The following CNTNAP2 variants were observed in gnomAD, a reference collection of about 807,000 sequenced individuals.
CNTNAP2 encodes the protein contactin-associated protein-like 2.
A neutral mutation model predicts 155.2 loss-of-function variants in CNTNAP2; 98 were observed. The observed-to-expected ratio is 0.63, with a 90% CI of 0.54 to 0.75. The LOEUF is 0.75. Among genes scored for constraint, CNTNAP2 ranks in the 30% least tolerant of loss-of-function variants. The probability of loss-of-function intolerance (pLI) is 0.00; values close to 1 mark genes in which losing one functional copy is unlikely to be tolerated. For synonymous variants in CNTNAP2, 651 were observed against 631.2 expected (o/e 1.03, Z -0.47); for missense variants, 1,727 against 1,688.1 (o/e 1.02, Z -0.40).
At chr7:146,866,123 TC>T (rs1163455917) in intron 3 of CNTNAP2, among the ~76,000 whole-genome samples, 1 of 151,988 alleles carries the variant, frequency 6.6e-6, no homozygotes, top group Admixed American at 6.6e-5. Flanking sequence ...ATTCCAATGT[TC>T]CCCCCGACAG....
intron 8 of CNTNAP2, among the ~76,000 whole-genome samples, chr7:147,154,344 G>C (rs1011769349): frequency 6.6e-6 from 1 of 152,098 alleles, no homozygotes; most frequent in Non-Finnish European, 1.5e-5. Context: ...TTATTTTTCA[G>C]TTAAAGAGAG....
chr7:147,023,511 A>T (rs950740663), intron 3 of CNTNAP2, among the ~76,000 whole-genome samples: 14 of 152,146 alleles, frequency 9.2e-5, no homozygotes, highest in Non-Finnish European at 1.5e-4. Context: ...TTGATGCTTT[A>T]AGAATACAAA....
intron 1 of CNTNAP2, among the ~76,000 whole-genome samples, chr7:146,212,361 G>A (rs1021907468): frequency 2.0e-5 from 3 of 152,138 alleles, no homozygotes; most frequent in African/African-American, 7.2e-5. Flanking sequence ...CAGAACCCTT[G>A]CTAGATTGAC....
chr7:147,260,716 T>C (rs915309347), intron 8 of CNTNAP2, among the ~76,000 whole-genome samples: 2 of 152,222 alleles, frequency 1.3e-5, no homozygotes, highest in African/African-American at 4.8e-5. Context: ...CAGGTGCGTA[T>C]GCCTTGAGTT....
intron 6 of CNTNAP2, 106 bp from the exon 7 acceptor site, chr7:147,128,587 A>G: frequency 2.4e-6 from 3 of 1,231,068 alleles, no homozygotes; most frequent in Non-Finnish European, 3.6e-6. Flanking sequence ...TAATATTTGT[A>G]TATTTTGGTT....
At chr7:148,187,949 A>G (rs538218726) in intron 18 of CNTNAP2, among the ~76,000 whole-genome samples, 1 of 151,994 alleles carries the variant, frequency 6.6e-6, no homozygotes, top group African/African-American at 2.4e-5. Flanking sequence ...CCCCCTACCC[A>G]TCACAGACCA....
intron 13 of CNTNAP2, chr7:147,850,082 C>A (rs1328143342): frequency 6.6e-6 from 1 of 152,126 alleles, no homozygotes; most frequent in Non-Finnish European, 1.5e-5. Context: ...CATTTTAAGA[C>A]CATTCAAGAT....
chr7:148,034,116 C>T (rs371187051), intron 15 of CNTNAP2, among the ~76,000 whole-genome samples: 92 of 152,268 alleles, frequency 6.0e-4, no homozygotes, highest in African/African-American at 2.2e-3. Flanking sequence ...AAAGTAGATA[C>T]AAAATGCTTT....
At chr7:146,935,416 C>A (rs550858614) in intron 3 of CNTNAP2, among the ~76,000 whole-genome samples, 2 of 152,184 alleles carry the variant, frequency 1.3e-5, no homozygotes, top group Admixed American at 6.5e-5. Flanking sequence ...ATGGTACATA[C>A]GTTGCCTCAT....
chr7:147,887,919 T>C (rs1799627563), intron 13 of CNTNAP2, among the ~76,000 whole-genome samples: 1 of 152,208 alleles, frequency 6.6e-6, no homozygotes, highest in South Asian at 2.1e-4. Context: ...CTTCACAGCA[T>C]TTGAATGGTT....
chr7:147,701,018 C>T (rs567888934), intron 13 of CNTNAP2, among the ~76,000 whole-genome samples: 7 of 152,234 alleles, frequency 4.6e-5, no homozygotes, highest in Non-Finnish European at 8.8e-5. Context: ...CATTCCTCCA[C>T]GGATGCTCAT....
intron 1 of CNTNAP2, among the ~76,000 whole-genome samples, chr7:146,764,157 T>C (rs142425314): frequency 1.3e-3 from 204 of 152,316 alleles, no homozygotes; most frequent in African/African-American, 4.7e-3. Context: ...CTTAGGAAGA[T>C]TGTCAATCAA....
At chr7:146,495,778 G>C (rs1414850307) in intron 1 of CNTNAP2, among the ~76,000 whole-genome samples, 1 of 149,802 alleles carries the variant, frequency 6.7e-6, no homozygotes, top group East Asian at 2.0e-4. Context: ...AAATGAGAAA[G>C]GGTAAGGCAT....
At chr7:148,128,228 G>A (rs917605675) in intron 16 of CNTNAP2, among the ~76,000 whole-genome samples, 1 of 152,058 alleles carries the variant, frequency 6.6e-6, no homozygotes, top group Non-Finnish European at 1.5e-5. Context: ...GATTTAGGAA[G>A]AATTTTAGTG....
intron 18 of CNTNAP2, among the ~76,000 whole-genome samples, chr7:148,212,551 AT>A (rs540174707): frequency 2.6e-4 from 40 of 152,332 alleles, no homozygotes; most frequent in African/African-American, 9.4e-4. Flanking sequence ...ATCTGTTAGT[AT>A]TGTCTATTAC....
intron 19 of CNTNAP2, among the ~76,000 whole-genome samples, chr7:148,222,047 G>C (rs1411630695): frequency 6.6e-6 from 1 of 152,158 alleles, no homozygotes; most frequent in Non-Finnish European, 1.5e-5. Flanking sequence ...CTTCATGTCT[G>C]CCACGGTGTG....
At chr7:146,721,820 G>GTCTATATATA (rs1563204146) in intron 1 of CNTNAP2, among the ~76,000 whole-genome samples, 13 of 91,058 alleles carry the variant, frequency 1.4e-4, no homozygotes, top group East Asian at 5.7e-4. Context: ...GTCTATATAT[G>GTCTATATATA]TAGACTATAT....
intron 1 of CNTNAP2, among the ~76,000 whole-genome samples, chr7:146,729,901 G>A (rs777649706): frequency 6.6e-6 from 1 of 152,170 alleles, no homozygotes. Context: ...GGACAGTAGA[G>A]CTAATTTAAA....
intron 3 of CNTNAP2, among the ~76,000 whole-genome samples, chr7:146,942,927 T>C (rs964826104): frequency 6.6e-6 from 1 of 152,202 alleles, no homozygotes; most frequent in African/African-American, 2.4e-5. Context: ...CATTGAAATG[T>C]TTCTATTACA....
Sources: gnomAD v4.1 joint callset for allele counts (sites outside exome capture counted in the v4.1 genomes callset) on GRCh38, gnomAD v4.1.1 for gene constraint, MANE v1.5 for transcripts, NCBI Gene and HGNC (gene_info 2026-07-23, HGNC 2026-07-21) for gene names.